The following CCDC171 variants were observed in gnomAD, a reference collection of about 807,000 sequenced individuals.
CCDC171 encodes coiled-coil domain-containing protein 171.
CCDC171 carries 177 observed loss-of-function variants against 168.2 expected under a neutral mutation model. The observed-to-expected ratio is 1.05, with a 90% CI of 0.93 to 1.19. CCDC171 has a LOEUF of 1.19. Among genes scored for constraint, CCDC171 ranks in the 50% most tolerant of loss-of-function variants. CCDC171 has a pLI of 0.00. For missense variants in CCDC171, 1,991 were observed against 1,539.0 expected (o/e 1.29, Z -4.91); for synonymous variants, 687 against 540.8 (o/e 1.27, Z -3.75).
chr9:15,861,710 A>AT (rs995619048), intron 23 of CCDC171, among the ~76,000 whole-genome samples: 33 of 151,422 alleles, frequency 2.2e-4, no homozygotes, highest in African/African-American at 5.8e-4. Context: ...TCATTCACAT[A>AT]TTTTTTACTT....
intron 18 of CCDC171, among the ~76,000 whole-genome samples, chr9:15,760,547 T>C (rs913161177): frequency 3.9e-5 from 6 of 152,238 alleles, no homozygotes; most frequent in Non-Finnish European, 8.8e-5. Context: ...ATTTGGCTAA[T>C]AAAATTTCCT....
At chr9:15,643,862 A>G (rs941242572) in intron 7 of CCDC171, among the ~76,000 whole-genome samples, 1 of 152,040 alleles carries the variant, frequency 6.6e-6, no homozygotes, top group African/African-American at 2.4e-5. Flanking sequence ...TACTTTTTTT[A>G]TATATGCTTT....
At chr9:15,645,747 T>C (rs889150901) in intron 7 of CCDC171, among the ~76,000 whole-genome samples, 7 of 152,116 alleles carry the variant, frequency 4.6e-5, no homozygotes, top group African/African-American at 1.7e-4. Context: ...TGGGACTATG[T>C]GAAAAGACCA....
chr9:15,930,157 T>C (rs1222099969), intron 25 of CCDC171, among the ~76,000 whole-genome samples: 2 of 151,646 alleles, frequency 1.3e-5, no homozygotes, highest in African/African-American at 4.8e-5. Flanking sequence ...AATGAGAAGG[T>C]CACTCATTTC....
intron 21 of CCDC171, among the ~76,000 whole-genome samples, chr9:15,834,069 G>A (rs936960095): frequency 6.6e-6 from 1 of 151,978 alleles, no homozygotes; most frequent in Non-Finnish European, 1.5e-5. Flanking sequence ...GTTTCAGTGG[G>A]CCCAATTTTA....
intron 1 of CCDC171, among the ~76,000 whole-genome samples, chr9:16,047,190 A>T (rs1464999350): frequency 6.6e-6 from 1 of 152,120 alleles, no homozygotes; most frequent in African/African-American, 2.4e-5. Context: ...TGGCATTTTC[A>T]TCCAAATGTC....
At chr9:15,659,186 C>G (rs373431936) in intron 8 of CCDC171, among the ~76,000 whole-genome samples, 62 of 152,268 alleles carry the variant, frequency 4.1e-4, no homozygotes, top group African/African-American at 1.3e-3. Flanking sequence ...TGACATCCTG[C>G]TTTTTGTGAA....
rs567198908 is a variant in CCDC171 at position 15,786,094 on chromosome 9, G to A, written c.3267+1400G>A. On this transcript the variant is annotated intron_variant, in intron 21 of 25. Coordinates refer to ENST00000380701, the MANE Select transcript of CCDC171 (RefSeq NM_173550.4). ...GGATGGTATTAGTATTTTAGAGTAT[G>A]TTTTTCCAAATACATGTATTAAATT... Among the ~76,000 whole-genome samples the A allele has an allele frequency of 1.2e-4, 18 of 152,170 alleles. 1 individual carries two copies. The highest frequency in any genetic ancestry group is 3.9e-4 in the African/African-American group (16 of 41,536).
rs2059735555 is a variant in CCDC171 at position 15,820,699 on chromosome 9, C to G, written c.3268-26003C>G. 1.7e-5 allele frequency among the ~76,000 whole-genome samples: 2 copies of G among 117,044 alleles called. 1 individual carries two copies. The highest frequency in any genetic ancestry group is 6.4e-5 in the African/African-American group (2 of 31,062). 76.8% of individuals were successfully genotyped at this position (117,044 alleles called of 152,430 possible). A position where few individuals can be genotyped will look rare whatever the true frequency, so the allele number is the denominator to read the frequency against. On this transcript the variant is annotated intron_variant, in intron 21 of 25. Transcript: ENST00000380701. ...CTGAAATTGAGGCAATAATTAATAG[C>G]TTACCAACCAAAAAAAGTCCAGGAC...
At chr9:16,104,198 A>G in the CCDC171 span, among the ~76,000 whole-genome samples, 1 of 151,914 alleles carries the variant, frequency 6.6e-6, no homozygotes, top group Admixed American at 6.6e-5. Context: ...ACCTCCCTAC[A>G]GTCCTCTCAG....
chr9:15,577,180 AC>A (rs1188205892), intron 3 of CCDC171, among the ~76,000 whole-genome samples: 1 of 152,172 alleles, frequency 6.6e-6, no homozygotes, highest in Non-Finnish European at 1.5e-5. Context: ...TTTGTTCATA[AC>A]CTTATCTGCC....
chr9:15,598,894 C>T (rs1410917049), intron 6 of CCDC171, among the ~76,000 whole-genome samples: 6 of 152,206 alleles, frequency 3.9e-5, no homozygotes, highest in African/African-American at 1.4e-4. Context: ...ATCCCTTTAC[C>T]ATTATGTAAT....
In CCDC171 at chr9:15,661,397, A is replaced by G. The variant is rs75739582; in HGVS notation, c.915+4178A>G. Among the ~76,000 whole-genome samples the G allele has an allele frequency of 2.7e-3, 409 of 152,180 alleles. 16 individuals are homozygous for G. In the East Asian group the frequency reaches 0.072, roughly 27 times the overall value. On this transcript the variant is annotated intron_variant, in intron 8 of 25. Transcript: ENST00000380701. The stretch of plus-strand genomic sequence containing the variant: ...AATTAGGTTTTTCATTGTAGTTGTG[A>G]TACATCCCTGGGAATATATAGTTAA...
chr9:16,035,219 A>G (rs1833442189), intron 6 of CCDC171, among the ~76,000 whole-genome samples: 1 of 152,220 alleles, frequency 6.6e-6, no homozygotes, highest in African/African-American at 2.4e-5. Flanking sequence ...TTAAAAACAA[A>G]AAGAACATAC....
chr9:15,891,218 T>A (rs1165444689), intron 24 of CCDC171, among the ~76,000 whole-genome samples: 2 of 152,084 alleles, frequency 1.3e-5, no homozygotes, highest in African/African-American at 2.4e-5. Flanking sequence ...GTCAAAAATG[T>A]GTGGATGTGT....
chr9:15,656,419 CA>C (rs2047940963), intron 7 of CCDC171, among the ~76,000 whole-genome samples: 1 of 151,980 alleles, frequency 6.6e-6, no homozygotes, highest in Non-Finnish European at 1.5e-5. Context: ...TGTGTCTCTA[CA>C]AAGTCTTGCA....
intron 11 of CCDC171, among the ~76,000 whole-genome samples, chr9:15,713,401 C>G (rs1193032524): frequency 6.6e-6 from 1 of 151,672 alleles, no homozygotes; most frequent in Non-Finnish European, 1.5e-5. Flanking sequence ...AGCAATGTAA[C>G]AGGAATAGGG....
At chr9:15,806,384 T>G (rs544719024) in intron 21 of CCDC171, among the ~76,000 whole-genome samples, 6 of 152,308 alleles carry the variant, frequency 3.9e-5, no homozygotes, top group African/African-American at 1.2e-4. Flanking sequence ...GTTTTTCTTT[T>G]CCATATTTAG....
At chr9:16,033,558 A>G (rs1306826032) in intron 6 of CCDC171, among the ~76,000 whole-genome samples, 1 of 152,192 alleles carries the variant, frequency 6.6e-6, no homozygotes, top group African/African-American at 2.4e-5. Context: ...AAACAAGCTC[A>G]GGGCTCCCAC....
Sources: allele counts gnomAD v4.1 joint callset (sites outside exome capture counted in the v4.1 genomes callset), GRCh38; gene constraint gnomAD v4.1.1; transcripts MANE v1.5; gene names NCBI Gene and HGNC (gene_info 2026-07-23, HGNC 2026-07-21).